The following FRY variants were observed in gnomAD, a reference collection of about 807,000 sequenced individuals.
The protein encoded by FRY is protein furry homolog.
In FRY, 128 loss-of-function variants were observed where a neutral mutation model predicts 348.4. The observed-to-expected ratio is 0.37, with a 90% CI of 0.32 to 0.43. The LOEUF (loss-of-function observed/expected upper bound fraction) is 0.43, where lower values mean the gene tolerates loss of function less well. FRY is among the 20% of genes least tolerant of loss of function. FRY has a pLI of 1.00. For missense variants in FRY, 2,736 were observed against 3,695.2 expected (o/e 0.74, Z 6.73); for synonymous variants, 1,370 against 1,374.7 (o/e 1.00, Z 0.08).
chr13:32,184,257 C>T (rs895990646), intron 24 of FRY, among the ~76,000 whole-genome samples: 26 of 152,172 alleles, frequency 1.7e-4, no homozygotes, highest in Non-Finnish European at 2.9e-4. Flanking sequence ...AGTGTTACTT[C>T]CATGACCAGA....
chr13:32,271,299 G>C (rs1157343125), intron 55 of FRY, among the ~76,000 whole-genome samples: 1 of 152,154 alleles, frequency 6.6e-6, no homozygotes, highest in African/African-American at 2.4e-5. Context: ...AGTTCTCCAA[G>C]CCTCAGTGTC....
chr13:32,264,291 A>G (rs897880894), intron 53 of FRY, among the ~76,000 whole-genome samples: 3 of 152,280 alleles, frequency 2.0e-5, no homozygotes, highest in African/African-American at 7.2e-5. Context: ...CAAACTCAGT[A>G]TTTACCAGCA....
At chr13:32,292,938 C>T (rs1889449423) in intron 59 of FRY, among the ~76,000 whole-genome samples, 1 of 152,128 alleles carries the variant, frequency 6.6e-6, no homozygotes, top group South Asian at 2.1e-4. Context: ...AGATCCTCTA[C>T]CAGCAAAAAG....
At chr13:32,187,679 T>C in intron 28 of FRY, 23 bp downstream of exon 28, 2 of 1,225,212 alleles carry the variant, frequency 1.6e-6, no homozygotes, top group Non-Finnish European at 2.4e-6. Flanking sequence ...AAAAATACAT[T>C]GTTTTTGAAT....
chr13:32,211,428 C>T (rs1346489359), intron 34 of FRY, among the ~76,000 whole-genome samples: 1 of 152,204 alleles, frequency 6.6e-6, no homozygotes, highest in Non-Finnish European at 1.5e-5. Flanking sequence ...CACTATACTC[C>T]AGCTTGGGCG....
chr13:32,290,314 T>TG (rs1889273640), intron 59 of FRY, among the ~76,000 whole-genome samples: 1 of 152,226 alleles, frequency 6.6e-6, no homozygotes, highest in South Asian at 2.1e-4. Context: ...ATAATGGTGC[T>TG]GTATAGTGGA....
intron 51 of FRY, among the ~76,000 whole-genome samples, chr13:32,259,132 C>G (rs1366539272): frequency 3.3e-5 from 5 of 152,202 alleles, no homozygotes; most frequent in Non-Finnish European, 7.3e-5. Context: ...TAGGAAACTG[C>G]TTTGACTTTT....
At chr13:32,115,539 A>C (rs780401034) in intron 3 of FRY, among the ~76,000 whole-genome samples, 3 of 152,192 alleles carry the variant, frequency 2.0e-5, no homozygotes, top group Non-Finnish European at 4.4e-5. Flanking sequence ...AATTTTCAGC[A>C]TTATGTTCCT....
At chr13:32,098,244 C>T (rs1876895573) in intron 2 of FRY, among the ~76,000 whole-genome samples, 1 of 152,014 alleles carries the variant, frequency 6.6e-6, no homozygotes, top group African/African-American at 2.4e-5. Context: ...TCAAAGTATA[C>T]TATTTAGATA....
chr13:32,185,227 T>A, intron 26 of FRY, 79 bp downstream of exon 26: 1 of 1,277,222 alleles, frequency 7.8e-7, no homozygotes, highest in Non-Finnish European at 1.1e-6. Context: ...CTTTCGTCTT[T>A]AACCCTACTG....
rs971202771 is a variant in FRY, at chr13:32,226,054, A to G, written c.5206+80A>G. On this transcript the variant is annotated intron_variant, in intron 39 of 60. Coordinates refer to ENST00000542859, the MANE Select transcript of FRY (RefSeq NM_023037.3). ...TAACTGCGGGTGCCAGTGGAGCCCAAGTTAACTTCTCTCATGCTATGACCT... is the reference window on the plus strand; with the variant it reads ...TAACTGCGGGTGCCAGTGGAGCCCAGGTTAACTTCTCTCATGCTATGACCT... The G allele has an allele frequency of 8.2e-6, 10 of 1,223,142 alleles. No homozygotes were observed. In the Admixed American group the frequency reaches 9.0e-5, roughly 11 times the overall value. 75.8% of individuals were successfully genotyped at this position (1,223,142 alleles called of 1,614,324 possible).
intron 14 of FRY, among the ~76,000 whole-genome samples, chr13:32,151,133 T>A (rs940923890): frequency 4.6e-5 from 7 of 152,200 alleles, no homozygotes; most frequent in African/African-American, 1.7e-4. Flanking sequence ...TCTTTAGCAG[T>A]CATTTCTCAG....
intron 58 of FRY, among the ~76,000 whole-genome samples, chr13:32,285,731 G>T (rs571000292): frequency 3.9e-5 from 6 of 152,246 alleles, no homozygotes; most frequent in African/African-American, 1.4e-4. Context: ...AGTAGCAAAT[G>T]TTTACTTCCT....
intron 1 of FRY, among the ~76,000 whole-genome samples, chr13:32,049,431 A>G (rs1489098080): frequency 1.9e-5 from 2 of 107,198 alleles, no homozygotes; most frequent in African/African-American, 7.4e-5. Flanking sequence ...GGGCAACCCC[A>G]TAGGTTTTTT....
At chr13:32,121,088 C>A (rs1878621497) in intron 4 of FRY, among the ~76,000 whole-genome samples, 2 of 152,244 alleles carry the variant, frequency 1.3e-5, no homozygotes, top group South Asian at 4.1e-4. Flanking sequence ...CAGGTCACTG[C>A]AAATGCTGTT....
chr13:32,231,264 C>T lies in FRY; in HGVS notation c.5491C>T (p.Arg1831Cys), dbSNP rs977721135. The T allele has an allele frequency of 1.9e-6, 3 of 1,613,220 alleles. No individual in the cohort carries two copies. The highest frequency in any genetic ancestry group is 1.7e-5 in the Admixed American group (1 of 60,024). ...KSAEQLTNFL[R>C]HVVSVFKDSK... ...TGCTGAACAGCTCACTAATTTTCTA[C>T]GTCACGTTGTATCTGTATTTAAAGA... Residue 1831 changes from arginine to cysteine, a missense_variant, in exon 41 of 61, where the codon CGT (arginine) becomes TGT (cysteine). Transcript: ENST00000542859.
intron 59 of FRY, among the ~76,000 whole-genome samples, chr13:32,293,790 A>G (rs1889492687): frequency 1.3e-5 from 2 of 152,208 alleles, no homozygotes; most frequent in Admixed American, 6.5e-5. Flanking sequence ...GCTTTTTCCC[A>G]TGGTGTGGAA....
intron 57 of FRY, among the ~76,000 whole-genome samples, chr13:32,277,290 G>A (rs370071481): frequency 3.9e-5 from 6 of 152,288 alleles, no homozygotes; most frequent in Middle Eastern, 3.4e-3. Flanking sequence ...GTGACTTGCC[G>A]TCTCTCATCT....
In FRY at chr13:32,204,525, A is replaced by G. The variant is rs7318964; in HGVS notation, c.4018+1998A>G. 7.4e-3 allele frequency among the ~76,000 whole-genome samples: 1,134 copies of G among 152,340 alleles called. 7 individuals carry two copies. The highest frequency in any genetic ancestry group is 0.026 in the African/African-American group (1,076 of 41,578). On this transcript the variant is annotated intron_variant, in intron 31 of 60. Coordinates refer to ENST00000542859, the MANE Select transcript of FRY (RefSeq NM_023037.3). ...TTTTCATTCAAGAATCCTCTACTCC[A>G]GTCCTACTGAATCTTTGACCAACAT...
Sources: allele counts gnomAD v4.1 joint callset (sites outside exome capture counted in the v4.1 genomes callset), GRCh38; gene constraint gnomAD v4.1.1; transcripts MANE v1.5; gene names NCBI Gene and HGNC (gene_info 2026-07-23, HGNC 2026-07-21).